POLE4: variants seen among roughly 807,000 people sequenced by gnomAD.
POLE4 encodes the protein DNA polymerase epsilon subunit 4.
In POLE4, 15 loss-of-function variants were observed where a neutral mutation model predicts 15.6. That is an observed-to-expected ratio of 0.96 (90% CI 0.64 to 1.48). The LOEUF (loss-of-function observed/expected upper bound fraction) is 1.48, where lower values mean the gene tolerates loss of function less well. POLE4 is among the 40% of genes most tolerant of loss of function. POLE4 has a pLI of 0.00. For synonymous variants in POLE4, 83 were observed against 63.2 expected (o/e 1.31, Z -1.49); for missense variants, 205 against 151.9 (o/e 1.35, Z -1.84).
intron 3 of POLE4, among the ~76,000 whole-genome samples, chr2:74,968,706 G>A (rs959268522): frequency 6.6e-6 from 1 of 151,126 alleles, no homozygotes; most frequent in Non-Finnish European, 1.5e-5. Context: ...GGGGAGATAG[G>A]GGCAACTGTT....
intron 3 of POLE4, among the ~76,000 whole-genome samples, chr2:74,962,408 T>TA (rs1671234224): frequency 6.6e-6 from 1 of 152,176 alleles, no homozygotes; most frequent in African/African-American, 2.4e-5. Flanking sequence ...TTATCACAAT[T>TA]AAATCTTCCA....
At position 74,959,243 on chromosome 2, in the gene POLE4, C is replaced by A; in HGVS notation, c.214-98C>A. ...TTCCAGAACATTTTCTTGCCCCGAGCCTTTCTTCTCCCTTTCTGCCCCCAC... is the reference window on the plus strand; with the variant it reads ...TTCCAGAACATTTTCTTGCCCCGAGACTTTCTTCTCCCTTTCTGCCCCCAC... On this transcript the variant is annotated intron_variant, in intron 1 of 3. Coordinates refer to ENST00000483063, the MANE Select transcript of POLE4 (RefSeq NM_019896.4). The A allele has an allele frequency of 4.1e-6, 3 of 724,276 alleles. No individual in the cohort carries two copies. In the South Asian group the frequency reaches 5.2e-5, roughly 12 times the overall value. The allele number at this position is 724,276 out of a possible 1,614,324, so 44.9% of individuals were successfully genotyped here. A position where few individuals can be genotyped will look rare whatever the true frequency, so the allele number is the denominator to read the frequency against.
In POLE4 at chr2:74,959,355, G is replaced by T. The variant is rs768819599; in HGVS notation, c.228G>T (p.Glu76Asp). 2 of 1,613,198 alleles carry T rather than the reference G, an allele frequency of 1.2e-6. No individual in the cohort carries two copies. Among genetic ancestry groups the T allele is most frequent in the South Asian group, 1.1e-5 (1 of 91,024 alleles). The change falls in exon 2 of 4, where the codon GAG (glutamate) becomes GAT (aspartate). Residue 76 changes from glutamate (E) to aspartate (D), a missense_variant. Glu to Asp is a conservative substitution (Grantham distance 45). Transcript: ENST00000483063. Reference protein sequence around the residue: ...ILARAAELFVETIAKDAYCCA... With the variant: ...ILARAAELFVDTIAKDAYCCA... ...TTACTTCACAGGAACTGTTTGTGGA[G>T]ACCATTGCAAAAGATGCCTACTGTT...
Position 74,958,837 on chromosome 2 carries a change from A to G in POLE4, c.158A>G (p.Asp53Gly). The G allele has an allele frequency of 6.4e-7, 1 of 1,560,324 alleles. No homozygotes were observed. ...CGAGTGAAGGCCTTGGTGAAGGCAG[A>G]TCCCGACGTGACGCTAGCGGGACAG... is the stretch of plus-strand genomic sequence containing the variant. The part of the protein sequence containing the change: ...LARVKALVKA[D>G]PDVTLAGQEA... The change falls in exon 1 of 4, where the codon GAT becomes GGT. Residue 53 changes from aspartate to glycine, a missense_variant. Asp to Gly is a moderately conservative substitution (Grantham distance 94, BLOSUM62 -1). Transcript: ENST00000483063.
intron 3 of POLE4, among the ~76,000 whole-genome samples, chr2:74,962,321 C>A (rs1449547657): frequency 6.6e-6 from 1 of 152,070 alleles, no homozygotes; most frequent in African/African-American, 2.4e-5. Context: ...ATCCCTTTTC[C>A]CTTTCTAGTT....
chr2:74,960,205 T>C (rs912121158), intron 3 of POLE4, 59 bp downstream of exon 3: 15 of 1,375,092 alleles, frequency 1.1e-5, no homozygotes, highest in Non-Finnish European at 1.6e-5. Flanking sequence ...TGATGTGAAA[T>C]TCAAAATCTC....
At chr2:74,962,605 A>G (rs937763982) in intron 3 of POLE4, among the ~76,000 whole-genome samples, 1 of 152,144 alleles carries the variant, frequency 6.6e-6, no homozygotes, top group African/African-American at 2.4e-5. Flanking sequence ...TTCTTTTTCT[A>G]AGTCATATGA....
At chr2:74,963,590 C>A (rs143755763) in intron 3 of POLE4, among the ~76,000 whole-genome samples, 7 of 152,056 alleles carry the variant, frequency 4.6e-5, no homozygotes, top group Admixed American at 1.3e-4. Context: ...TGCAGCCCCC[C>A]CTCCCACGTT....
chr2:74,962,470 C>T (rs1375571451), intron 3 of POLE4, among the ~76,000 whole-genome samples: 2 of 152,186 alleles, frequency 1.3e-5, no homozygotes, highest in Admixed American at 1.3e-4. Flanking sequence ...TGTAAACAGT[C>T]TTTCTCTACC....
At chr2:74,960,231 G>T (rs1437273905) in intron 3 of POLE4, 85 bp downstream of exon 3, 2 of 1,142,778 alleles carry the variant, frequency 1.8e-6, no homozygotes, top group Non-Finnish European at 2.7e-6. Context: ...ACGGATGCCT[G>T]CTTCTTGTTT....
At chr2:74,964,854 T>G (rs905228018) in intron 3 of POLE4, among the ~76,000 whole-genome samples, 1 of 152,120 alleles carries the variant, frequency 6.6e-6, no homozygotes, top group Non-Finnish European at 1.5e-5. Context: ...CTTGCCCTAC[T>G]GAACTGGCTA....
intron 3 of POLE4, among the ~76,000 whole-genome samples, chr2:74,966,130 C>T (rs1358613615): frequency 4.7e-5 from 7 of 150,314 alleles, no homozygotes; most frequent in Admixed American, 4.6e-4. Context: ...AAGTTATATG[C>T]TCTATTTCTA....
intron 3 of POLE4, among the ~76,000 whole-genome samples, chr2:74,966,649 C>T (rs1464226749): frequency 6.6e-6 from 1 of 152,216 alleles, no homozygotes; most frequent in Non-Finnish European, 1.5e-5. Context: ...AAGTCATCTG[C>T]CTGCCTTGGC....
chr2:74,962,881 C>T (rs1041038467), intron 3 of POLE4, among the ~76,000 whole-genome samples: 17 of 152,194 alleles, frequency 1.1e-4, no homozygotes. Flanking sequence ...TTTTGTTGAA[C>T]TCTCTGCAAA....
intron 3 of POLE4, among the ~76,000 whole-genome samples, chr2:74,966,979 T>G (rs944557676): frequency 3.0e-4 from 46 of 152,326 alleles, no homozygotes; most frequent in African/African-American, 1.1e-3. Context: ...CTTTTGAAGC[T>G]AGTTTATCCT....
chr2:74,962,357 T>C (rs568072697), intron 3 of POLE4, among the ~76,000 whole-genome samples: 2 of 152,238 alleles, frequency 1.3e-5, no homozygotes, highest in Non-Finnish European at 2.9e-5. Flanking sequence ...ATTTGTGTTA[T>C]CTAGTAATTT....
chr2:74,964,046 G>T (rs192371599), intron 3 of POLE4, among the ~76,000 whole-genome samples: 1 of 149,940 alleles, frequency 6.7e-6, no homozygotes, highest in African/African-American at 2.4e-5. Context: ...TTGAATTTTT[G>T]TGTATTGGGT....
At chr2:74,959,863 G>A (rs1231776468) in intron 2 of POLE4, 1 of 503,730 alleles carries the variant, frequency 2.0e-6, no homozygotes, top group East Asian at 3.1e-5. Flanking sequence ...TAATTTAGGA[G>A]GCCCCCAACC....
rs755605817 is a variant in POLE4, at chr2:74,958,821, G to A, written c.142G>A (p.Ala48Thr). The change falls in exon 1 of 4, where the codon GCC (alanine) becomes ACC (threonine). Residue 48 changes from alanine to threonine, a missense_variant. Transcript: ENST00000483063. ...LSRLPLARVK[A>T]LVKADPDVTL... ...GAGGTTGCCTCTGGCGCGAGTGAAG[G>A]CCTTGGTGAAGGCAGATCCCGACGT... The A allele has an allele frequency of 1.3e-6, 2 of 1,558,458 alleles. No individual in the cohort carries two copies. The highest frequency in any genetic ancestry group is 1.7e-6 in the Non-Finnish European group (2 of 1,151,220).
Sources: allele counts gnomAD v4.1 joint callset (sites outside exome capture counted in the v4.1 genomes callset), GRCh38; gene constraint gnomAD v4.1.1; transcripts MANE v1.5; gene names NCBI Gene and HGNC (gene_info 2026-07-23, HGNC 2026-07-21).